The following GREM2 variants were observed in gnomAD, a reference collection of about 807,000 sequenced individuals.
GREM2 encodes the protein gremlin 2, DAN family BMP antagonist.
A neutral mutation model predicts 14.2 loss-of-function variants in GREM2; 11 were observed. That is an observed-to-expected ratio of 0.78 (90% confidence interval 0.49 to 1.28). The LOEUF (loss-of-function observed/expected upper bound fraction) is 1.28. Ranked by LOEUF, GREM2 falls within the 50% of genes most tolerant of loss-of-function variation. GREM2 has a pLI of 0.00. For synonymous variants in GREM2, 98 were observed against 97.6 expected, an observed-to-expected ratio of 1.00 and a Z score of -0.02; for missense variants, 210 against 218.5, an observed-to-expected ratio of 0.96 and a Z score of 0.24.
At chr1:240,518,245 C>T (rs980401306) in intron 1 of GREM2, among the ~76,000 whole-genome samples, 4 of 152,144 alleles carry the variant, frequency 2.6e-5, no homozygotes, top group African/African-American at 7.2e-5. Flanking sequence ...CTAAAAGACA[C>T]CAATTTCTCC....
At chr1:240,505,749 G>GA (rs35390997) in intron 1 of GREM2, among the ~76,000 whole-genome samples, 127 of 148,028 alleles carry the variant, frequency 8.6e-4, no homozygotes, top group Admixed American at 3.6e-3. Flanking sequence ...AGAATGATAG[G>GA]AAAAAAAAAA....
intron 1 of GREM2, among the ~76,000 whole-genome samples, chr1:240,498,445 G>A (rs61832587): frequency 0.014 from 2,090 of 152,240 alleles, 27 homozygotes; most frequent in Non-Finnish European, 0.021. Context: ...AGAGGTGTTC[G>A]GCCATGGTGA....
intron 1 of GREM2, 131 bp from the exon 2 acceptor site, chr1:240,493,607 TTGC>T: frequency 9.1e-7 from 1 of 1,103,428 alleles, no homozygotes; most frequent in Non-Finnish European, 1.2e-6. Context: ...GGCACGTAGC[TTGC>T]TGCAGGCTCA....
At chr1:240,601,680 G>C (rs1193547620) in intron 1 of GREM2, among the ~76,000 whole-genome samples, 3 of 152,156 alleles carry the variant, frequency 2.0e-5, no homozygotes, top group Non-Finnish European at 4.4e-5. Context: ...GCCGAGGCGG[G>C]CATCTCTCCT....
intron 1 of GREM2, among the ~76,000 whole-genome samples, chr1:240,596,706 A>C (rs983574834): frequency 1.8e-4 from 27 of 152,128 alleles, no homozygotes; most frequent in South Asian, 2.1e-4. Flanking sequence ...AAAAAAAAAA[A>C]ACACACAAGG....
chr1:240,502,428 G>T (rs1394954520), intron 1 of GREM2, among the ~76,000 whole-genome samples: 1 of 151,824 alleles, frequency 6.6e-6, no homozygotes, highest in African/African-American at 2.4e-5. Flanking sequence ...TTCTTTCTGT[G>T]CTCTCCTCTT....
At chr1:240,516,049 C>T (rs1385702842) in intron 1 of GREM2, among the ~76,000 whole-genome samples, 3 of 152,038 alleles carry the variant, frequency 2.0e-5, no homozygotes, top group Non-Finnish European at 4.4e-5. Context: ...GTCCCCCGCC[C>T]CATGCCCCAA....
chr1:240,537,483 G>A (rs1678498050), intron 1 of GREM2, among the ~76,000 whole-genome samples: 1 of 151,996 alleles, frequency 6.6e-6, no homozygotes, highest in South Asian at 2.1e-4. Flanking sequence ...AGGAGTTGAT[G>A]CCTAAAGAAA....
At chr1:240,602,493 G>C (rs1467610394) in intron 1 of GREM2, among the ~76,000 whole-genome samples, 3 of 152,028 alleles carry the variant, frequency 2.0e-5, no homozygotes, top group Non-Finnish European at 4.4e-5. Context: ...GATAAAAATA[G>C]TTATAATTCC....
At position 240,540,447 on chromosome 1, in the gene GREM2, T is replaced by C. The variant is rs1425938115; in HGVS notation, c.-1-46971A>G. ...GGGATTTGTCCTTGAATGGGCTGTT[T>C]CCTAGAGCACATATTGATTTAAAAC... On this transcript the variant is annotated intron_variant, in intron 1 of 1. Coordinates refer to ENST00000318160, the MANE Select transcript of GREM2 (RefSeq NM_022469.4). The surrounding 1 kb of genome is among the most constrained non-coding windows in gnomAD (Gnocchi z 4.2). 6.6e-6 allele frequency among the ~76,000 whole-genome samples: 1 copy of C among 152,188 alleles called. No individual in the cohort carries two copies. The highest frequency in any genetic ancestry group is 6.5e-5 in the Admixed American group (1 of 15,280).
chr1:240,520,327 G>A (rs550293834), intron 1 of GREM2, among the ~76,000 whole-genome samples: 1 of 152,048 alleles, frequency 6.6e-6, no homozygotes, highest in Admixed American at 6.6e-5. Context: ...TTCAAACACA[G>A]GATTCCAAGC....
At chr1:240,521,302 C>T (rs977873916) in intron 1 of GREM2, among the ~76,000 whole-genome samples, 1 of 152,200 alleles carries the variant, frequency 6.6e-6, no homozygotes, top group East Asian at 1.9e-4. Context: ...GGCGCGGTGG[C>T]TCACGCCTGT....
chr1:240,494,196 T>C (rs2103269044), intron 1 of GREM2, among the ~76,000 whole-genome samples: 1 of 152,364 alleles, frequency 6.6e-6, no homozygotes, highest in African/African-American at 2.4e-5. Flanking sequence ...CATTTCATCC[T>C]AAAAATAGCC....
intron 1 of GREM2, among the ~76,000 whole-genome samples, chr1:240,534,692 C>CAAAA (rs5782153): frequency 2.6e-5 from 3 of 115,360 alleles, no homozygotes; most frequent in Non-Finnish European, 6.0e-5. Flanking sequence ...GACTCCATCT[C>CAAAA]AAAAAAAAAA....
chr1:240,515,077 ACCT>A (rs1677924707), intron 1 of GREM2, among the ~76,000 whole-genome samples: 1 of 152,220 alleles, frequency 6.6e-6, no homozygotes, highest in Non-Finnish European at 1.5e-5. Flanking sequence ...TAGAAACCAT[ACCT>A]ATAAGCAAGA....
In GREM2 at chr1:240,493,756, C is replaced by G. The variant is rs140289355; in HGVS notation, c.-1-280G>C. ...ATGTTACCCAGGCTGGTCTGGAACT[C>G]CTGGCCTCAAGCGCTCCTCTGCCTC... On this transcript the variant is annotated intron_variant, in intron 1 of 1. Coordinates refer to ENST00000318160, the MANE Select transcript of GREM2 (RefSeq NM_022469.4). Among the ~76,000 whole-genome samples the G allele has an allele frequency of 1.4e-3, 213 of 152,118 alleles. 11 individuals are homozygous for G. The East Asian group carries it at 0.04, about 28-fold the overall frequency.
chr1:240,604,696 G>A (rs1053161906), intron 1 of GREM2, among the ~76,000 whole-genome samples: 3 of 152,094 alleles, frequency 2.0e-5, no homozygotes, highest in East Asian at 1.9e-4. Flanking sequence ...GGTGGCTCCC[G>A]CCTATAATCC....
chr1:240,601,517 G>A (rs1679923953), intron 1 of GREM2, among the ~76,000 whole-genome samples: 1 of 152,204 alleles, frequency 6.6e-6, no homozygotes, highest in South Asian at 2.1e-4. Flanking sequence ...TGTAAAGTTA[G>A]GAAATTTACT....
At chr1:240,571,093 C>T (rs1679252653) in intron 1 of GREM2, among the ~76,000 whole-genome samples, 1 of 152,286 alleles carries the variant, frequency 6.6e-6, no homozygotes, top group Middle Eastern at 3.4e-3. Flanking sequence ...CAACCAGACA[C>T]ATTTTTCATC....
Sources: gnomAD v4.1 joint callset for allele counts (sites outside exome capture counted in the v4.1 genomes callset) on GRCh38, gnomAD v4.1.1 for gene constraint, Gnocchi (gnomAD v3.1) non-coding constraint, MANE v1.5 for transcripts, NCBI Gene and HGNC (gene_info 2026-07-23, HGNC 2026-07-21) for gene names.